The following ARHGAP11A variants were observed in gnomAD, a reference collection of about 807,000 sequenced individuals.
The protein encoded by ARHGAP11A is rho GTPase-activating protein 11A.
Under a neutral mutation model 60.5 loss-of-function variants are expected in ARHGAP11A, and 36 were observed. That is an observed-to-expected ratio of 0.59 (90% CI 0.46 to 0.79). The LOEUF (loss-of-function observed/expected upper bound fraction) is 0.79. Ranked by LOEUF, ARHGAP11A falls within the 30% of genes least tolerant of loss-of-function variation. The probability of loss-of-function intolerance (pLI) is 0.00; values close to 1 mark genes in which losing one functional copy is unlikely to be tolerated. For synonymous variants in ARHGAP11A, 362 were observed against 415.5 expected, an observed-to-expected ratio of 0.87 and a Z score of 1.57; for missense variants, 1,071 against 1,199.2, an observed-to-expected ratio of 0.89 and a Z score of 1.58.
chr15:32,638,110 ACT>A lies in ARHGAP11A; in HGVS notation c.*268_*269del. The A allele has an allele frequency of 2.9e-6, 1 of 345,730 alleles. No individual in the cohort carries two copies. The allele number at this position is 345,730 out of a possible 1,614,324, so 21.4% of individuals were successfully genotyped here. A position where few individuals can be genotyped will look rare whatever the true frequency, so the allele number is the denominator to read the frequency against. On this transcript the variant is annotated 3_prime_UTR_variant, in exon 12 of 12. Transcript: ENST00000361627. Reference sequence around the variant, plus strand: ...GCAGAGGTTAGACTTTACCTTTCTGACTCTGTCGTCCAGGCTGGAGTGCAGTG... The same window carrying A: ...GCAGAGGTTAGACTTTACCTTTCTGACTGTCGTCCAGGCTGGAGTGCAGTG...
At chr15:32,632,792 A>C in intron 8 of ARHGAP11A, 187 bp from the exon 9 acceptor site, 1 of 486,110 alleles carries the variant, frequency 2.1e-6, no homozygotes, top group East Asian at 3.2e-5. Flanking sequence ...CAAAAGTAAA[A>C]AATGAATGCT....
At chr15:32,621,916 G>A (rs896562639) in intron 2 of ARHGAP11A, among the ~76,000 whole-genome samples, 13 of 152,296 alleles carry the variant, frequency 8.5e-5, no homozygotes, top group African/African-American at 3.1e-4. Flanking sequence ...TCTAAAGTAG[G>A]GTTCATTTGG....
upstream of ARHGAP11A, chr15:32,615,182 C>T (rs1246046655): frequency 3.9e-5 from 6 of 152,206 alleles, no homozygotes; most frequent in African/African-American, 1.4e-4. Context: ...CAGCGACAGC[C>T]AAGCTCGGAA....
chr15:32,634,176 G>A (rs2053651655), intron 10 of ARHGAP11A, 135 bp downstream of exon 10: 1 of 634,442 alleles, frequency 1.6e-6, no homozygotes. Context: ...TCTTATACTT[G>A]AGTTGATATC....
Position 32,625,586 on chromosome 15 carries a change from A to G in ARHGAP11A, c.815A>G (p.Tyr272Cys), listed in dbSNP as rs751192449. 3 of 1,613,974 alleles carry G rather than the reference A, an allele frequency of 1.9e-6. No individual in the cohort carries two copies. The South Asian group carries it at 3.3e-5, about 18-fold the overall frequency. ...PSLEGFEEGEYETPGEYKRKR... is the reference protein window; with the variant it reads ...PSLEGFEEGECETPGEYKRKR... ...CTGGAAGGCTTTGAAGAAGGTGAAT[A>G]TGAAACTCCTGGTGAATATAAGAGA... The change falls in exon 6 of 12, where the codon TAT (tyrosine) becomes TGT (cysteine). Residue 272 changes from tyrosine to cysteine, a missense_variant. Transcript: ENST00000361627.
Position 32,627,590 on chromosome 15 carries a change from G to A in ARHGAP11A, c.863-1138G>A, listed in dbSNP as rs535525969. ...TAAGAATATAAAAAATTAGCTGGGC[G>A]TGGTGGCGGGCGCCTGTAGTCCCAG... On this transcript the variant is annotated intron_variant, in intron 6 of 11. Transcript: ENST00000361627. 6.6e-5 allele frequency among the ~76,000 whole-genome samples: 10 copies of A among 152,004 alleles called. No individual in the cohort carries two copies. The East Asian group carries it at 9.8e-4, about 15-fold the overall frequency.
intron 2 of ARHGAP11A, among the ~76,000 whole-genome samples, chr15:32,622,007 G>T (rs1336276437): frequency 6.6e-6 from 1 of 152,428 alleles, no homozygotes; most frequent in African/African-American, 2.4e-5. Flanking sequence ...CCTTAGGACA[G>T]TTTCCCCCCA....
chr15:32,633,496 G>A (rs1038644730), intron 9 of ARHGAP11A, among the ~76,000 whole-genome samples: 3 of 152,100 alleles, frequency 2.0e-5, no homozygotes, highest in African/African-American at 7.2e-5. Flanking sequence ...ACAAAAATTA[G>A]CCAGGCATGG....
chr15:32,620,245 G>C, intron 2 of ARHGAP11A, 67 bp downstream of exon 2: 1 of 1,609,506 alleles, frequency 6.2e-7, no homozygotes, highest in Non-Finnish European at 8.5e-7. Context: ...AGCATTTTGA[G>C]AGGCCGAGGT....
rs1390550472 is a variant in ARHGAP11A at position 32,636,977 on chromosome 15, ATAAAT to A, written c.2209_2213del (p.Leu737ArgfsTer3). The A allele has an allele frequency of 7.5e-6, 12 of 1,609,710 alleles. No homozygotes were observed. Among genetic ancestry groups the A allele is most frequent in the African/African-American group, 1.3e-5 (1 of 74,540 alleles). On this transcript the variant is annotated frameshift_variant, in exon 12 of 12. Coordinates refer to ENST00000361627, the MANE Select transcript of ARHGAP11A (RefSeq NM_014783.6). LOFTEE classifies it low-confidence loss of function (END_TRUNC). ...CAGTCCCCAAAGGATAAACTAAATA[ATAAAT>A]TAAAAGAGAATGAGAATATGATGGA...
intron 1 of ARHGAP11A, among the ~76,000 whole-genome samples, chr15:32,616,763 A>T (rs573251210): frequency 2.0e-5 from 3 of 152,278 alleles, no homozygotes; most frequent in Admixed American, 2.0e-4. Flanking sequence ...GTTGGGAGGG[A>T]CAAAAACTCT....
At position 32,638,021 on chromosome 15, in the gene ARHGAP11A, T is replaced by TTACTTCTTTG; in HGVS notation, c.*178_*187dup. ...CAACTTAGATTTTTATTTGTACAAA[T>TTACTTCTTTG]TACTTCTTTGTTTTTCTTAATGATG... On this transcript the variant is annotated 3_prime_UTR_variant, in exon 12 of 12. Transcript: ENST00000361627. 1 of 599,004 alleles carries TTACTTCTTTG rather than the reference T, an allele frequency of 1.7e-6. No homozygotes were observed. The highest frequency in any genetic ancestry group is 3.0e-5 in the East Asian group (1 of 33,514). The allele number at this position is 599,004 out of a possible 1,614,324, so 37.1% of individuals were successfully genotyped here.
rs2053799452 is a variant in ARHGAP11A, at chr15:32,639,471, T to G, written c.*1626T>G. The G allele has an allele frequency of 6.6e-6, 1 of 152,240 alleles. No homozygotes were observed. Among genetic ancestry groups the G allele is most frequent in the Non-Finnish European group, 1.5e-5 (1 of 68,038 alleles). 9.4% of individuals were successfully genotyped at this position (152,240 alleles called of 1,614,324 possible). ...GACAAAATATTCATATAGTCAGATA[T>G]ATGTTGTCTGCTTTAAACAATTTTT... On this transcript the variant is annotated 3_prime_UTR_variant, in exon 12 of 12. Transcript: ENST00000361627.
intron 2 of ARHGAP11A, among the ~76,000 whole-genome samples, chr15:32,622,549 C>T (rs1423204658): frequency 3.3e-5 from 5 of 152,048 alleles, no homozygotes; most frequent in African/African-American, 1.2e-4. Flanking sequence ...ACTGTTTTGT[C>T]AGTTACCTTC....
rs573451215 is a variant in ARHGAP11A, at chr15:32,638,198, C to G, written c.*353C>G. 1 of 177,798 alleles carries G rather than the reference C, an allele frequency of 5.6e-6. No individual in the cohort carries two copies. Among genetic ancestry groups the G allele is most frequent in the Non-Finnish European group, 1.2e-5 (1 of 85,356 alleles). 11.0% of individuals were successfully genotyped at this position (177,798 alleles called of 1,614,324 possible). On this transcript the variant is annotated 3_prime_UTR_variant, in exon 12 of 12. Transcript: ENST00000361627. ...ATGCCATTTTCCTGCCTCAGCCTCC[C>G]GAGTAGCTGGGACTACAGGTGCCCG...
At chr15:32,616,402 C>T (rs4255759) in intron 1 of ARHGAP11A, 62 bp downstream of exon 1, 27 of 1,607,282 alleles carry the variant, frequency 1.7e-5, no homozygotes, top group African/African-American at 1.1e-4. Context: ...TCATCACTTA[C>T]TACCAGATCG....
chr15:32,625,447 A>G (rs2053435086), intron 5 of ARHGAP11A, 40 bp from the exon 6 acceptor site: 1 of 1,599,120 alleles, frequency 6.3e-7, no homozygotes, highest in African/African-American at 1.4e-5. Flanking sequence ...AGAGTGGAGG[A>G]AGGATAATAA....
chr15:32,632,968 T>C lies in ARHGAP11A; in HGVS notation c.1106-11T>C. On this transcript the variant is annotated splice_polypyrimidine_tract_variant and intron_variant, in intron 8 of 11. Coordinates refer to ENST00000361627, the MANE Select transcript of ARHGAP11A (RefSeq NM_014783.6). The stretch of plus-strand genomic sequence containing the variant: ...ATATGTGTGGTATATTACATGTGGT[T>C]ATTTTTGTAGTTCACATCGATACAA... 1.2e-6 allele frequency: 2 copies of C among 1,607,942 alleles called. No homozygotes were observed. The highest frequency in any genetic ancestry group is 2.2e-5 in the South Asian group (2 of 90,196).
chr15:32,629,823 A>G lies in ARHGAP11A; in HGVS notation c.1105+61A>G. 4 of 1,169,966 alleles carry G rather than the reference A, an allele frequency of 3.4e-6. No individual in the cohort carries two copies. In the South Asian group the frequency reaches 6.5e-5, roughly 19 times the overall value. The allele number at this position is 1,169,966 out of a possible 1,614,324, so 72.5% of individuals were successfully genotyped here. ...ATTAAAATGAGTGCCTATTCTGGGC[A>G]CAGTGCAATTTCATATTAATAATAC... On this transcript the variant is annotated intron_variant, in intron 8 of 11. Coordinates refer to ENST00000361627, the MANE Select transcript of ARHGAP11A (RefSeq NM_014783.6).
Sources: gnomAD v4.1 joint callset for allele counts (sites outside exome capture counted in the v4.1 genomes callset) on GRCh38, gnomAD v4.1.1 for gene constraint, MANE v1.5 for transcripts, NCBI Gene and HGNC (gene_info 2026-07-23, HGNC 2026-07-21) for gene names.